Variants in USP48 observed in about 807,000 individuals in gnomAD.
USP48 encodes ubiquitin specific peptidase 48, also known as ubiquitin carboxyl-terminal hydrolase 48.
A neutral mutation model predicts 150.7 loss-of-function variants in USP48; 43 were observed. That is an observed-to-expected ratio of 0.29 (90% confidence interval 0.22 to 0.37). USP48 has a LOEUF of 0.37. USP48 is among the 10% of genes least tolerant of loss of function. The pLI, the probability that USP48 is intolerant of heterozygous loss-of-function variation, is 1.00. For synonymous variants in USP48, 396 were observed against 425.9 expected (o/e 0.93, Z 0.86); for missense variants, 813 against 1,249.6 (o/e 0.65, Z 5.27).
At chr1:21,760,987 G>C (rs2097848593) in intron 1 of USP48, among the ~76,000 whole-genome samples, 1 of 151,688 alleles carries the variant, frequency 6.6e-6, no homozygotes, top group Non-Finnish European at 1.5e-5. Context: ...CCAGCTAGTT[G>C]GGAGGCTGAG....
intron 22 of USP48, among the ~76,000 whole-genome samples, chr1:21,700,846 G>C (rs978666134): frequency 1.3e-5 from 2 of 152,272 alleles, no homozygotes; most frequent in East Asian, 3.9e-4. Flanking sequence ...GGCCAAGGCG[G>C]GAGGATCATG....
rs1428540978 is a variant in USP48, at chr1:21,782,832, G to A, written c.126C>T (p.Gly42=). The A allele has an allele frequency of 2.6e-6, 4 of 1,554,006 alleles. No individual in the cohort carries two copies. The highest frequency in any genetic ancestry group is 1.9e-5 in the Admixed American group (1 of 51,832). ...CGGTGCGCGGGCCTCACCTGCACAC[G>A]CCGCGAATGCAGGGCTCCAGCCAGA... The part of the protein sequence containing the change: ...YRIWLEPCIR[G]VCRRNCKGNP... The change falls in exon 1 of 27, where the codon GGC becomes GGT. Residue 42 remains glycine (G), a synonymous_variant. Transcript: ENST00000308271.
chr1:21,744,053 G>C (rs1417053485), intron 8 of USP48, among the ~76,000 whole-genome samples: 2 of 152,154 alleles, frequency 1.3e-5, no homozygotes, highest in African/African-American at 4.8e-5. Flanking sequence ...ATCAGCAGTA[G>C]CTGTCTTTAT....
At chr1:21,727,434 T>C (rs1401228406) in intron 11 of USP48, among the ~76,000 whole-genome samples, 2 of 152,232 alleles carry the variant, frequency 1.3e-5, no homozygotes, top group East Asian at 1.9e-4. Context: ...CAGTGCTAAC[T>C]TGACACATAA....
chr1:21,741,190 A>G (rs1416383404), intron 8 of USP48, among the ~76,000 whole-genome samples: 2 of 152,238 alleles, frequency 1.3e-5, no homozygotes, highest in Admixed American at 1.3e-4. Flanking sequence ...CTACTAGAAA[A>G]CCAGAAAAGA....
chr1:21,755,474 A>C (rs968780293), intron 3 of USP48, among the ~76,000 whole-genome samples: 17 of 152,114 alleles, frequency 1.1e-4, no homozygotes, highest in Admixed American at 1.1e-3. Context: ...TGGCAGGAGG[A>C]TTGCTTGAGC....
chr1:21,775,534 C>G (rs968501986), intron 1 of USP48, among the ~76,000 whole-genome samples: 1 of 152,168 alleles, frequency 6.6e-6, no homozygotes, highest in Non-Finnish European at 1.5e-5. Flanking sequence ...GGACTACAGG[C>G]GTAAGCCACC....
Position 21,756,572 on chromosome 1 carries a change from A to G in USP48, c.386T>C (p.Leu129Pro). The G allele has an allele frequency of 1.3e-6, 2 of 1,588,416 alleles. No individual in the cohort carries two copies. The highest frequency in any genetic ancestry group is 1.9e-5 in the Admixed American group (1 of 53,662). The stretch of plus-strand genomic sequence containing the variant: ...TTTTTCTTCTTGGATGCCGTCTCCC[A>G]GCATGTAGTCACTACAAGTGCTTGG... ...LCPSTCSDYMLGDGIQEEKDY... is the reference protein window; with the variant it reads ...LCPSTCSDYMPGDGIQEEKDY... The change falls in exon 3 of 27, where the codon CTG becomes CCG. Residue 129 changes from leucine to proline, a missense_variant. Leu to Pro is a moderately conservative substitution (Grantham distance 98). Coordinates refer to ENST00000308271, the MANE Select transcript of USP48 (RefSeq NM_032236.8).
intron 7 of USP48, among the ~76,000 whole-genome samples, 160 bp downstream of exon 7, chr1:21,747,978 T>C (rs1246382600): frequency 6.6e-6 from 1 of 152,246 alleles, no homozygotes; most frequent in Non-Finnish European, 1.5e-5. Flanking sequence ...TATGATAAAA[T>C]CATGAAATAT....
At chr1:21,769,496 T>TC (rs1435190404) in intron 1 of USP48, among the ~76,000 whole-genome samples, 1 of 151,788 alleles carries the variant, frequency 6.6e-6, no homozygotes, top group East Asian at 1.9e-4. Flanking sequence ...CACTGCAACC[T>TC]CCGCCTCCTG....
At chr1:21,690,515 T>A (rs1227125485) in intron 23 of USP48, among the ~76,000 whole-genome samples, 1 of 150,992 alleles carries the variant, frequency 6.6e-6, no homozygotes, top group Non-Finnish European at 1.5e-5. Flanking sequence ...CTTTCTTTTT[T>A]CTTTTTCTTT....
chr1:21,706,211 A>G (rs1173516889), intron 17 of USP48, 24 bp from the exon 18 acceptor site: 4 of 1,610,426 alleles, frequency 2.5e-6, no homozygotes, highest in Non-Finnish European at 3.4e-6. Context: ...ATCACAAAAC[A>G]GTATCCGTCA....
At chr1:21,773,796 T>C (rs1157457030) in intron 1 of USP48, among the ~76,000 whole-genome samples, 2 of 151,916 alleles carry the variant, frequency 1.3e-5, no homozygotes, top group African/African-American at 2.4e-5. Flanking sequence ...GGTTGTATTA[T>C]CAAAAACCGG....
intron 8 of USP48, among the ~76,000 whole-genome samples, chr1:21,739,830 G>C (rs1253108449): frequency 6.6e-6 from 1 of 152,116 alleles, no homozygotes; most frequent in Non-Finnish European, 1.5e-5. Context: ...CACTCCCTGG[G>C]TTCTGGTAAC....
intron 25 of USP48, among the ~76,000 whole-genome samples, chr1:21,682,223 T>C (rs764187315): frequency 2.0e-5 from 3 of 152,200 alleles, no homozygotes; most frequent in Non-Finnish European, 4.4e-5. Flanking sequence ...TGGAACTTGC[T>C]TTCCCTCAGG....
rs80230207 is a variant in USP48 at position 21,735,046 on chromosome 1, G to A, written c.1171+1400C>T. On this transcript the variant is annotated intron_variant, in intron 9 of 26. Coordinates refer to ENST00000308271, the MANE Select transcript of USP48 (RefSeq NM_032236.8). ...GATTTGGGTAAGATACTTAAAGGAA[G>A]GAGAAACAAAGTTTACCTGCTAGAA... Among the ~76,000 whole-genome samples the A allele has an allele frequency of 4.6e-3, 701 of 152,240 alleles. 5 individuals carry two copies. The highest frequency in any genetic ancestry group is 0.016 in the African/African-American group (668 of 41,532).
intron 23 of USP48, among the ~76,000 whole-genome samples, chr1:21,694,311 G>A (rs1002757328): frequency 3.3e-5 from 5 of 151,896 alleles, no homozygotes; most frequent in South Asian, 2.1e-4. Context: ...GGTGGCTCAC[G>A]CCTGTAATCT....
At chr1:21,714,317 C>T (rs1250256524) in intron 15 of USP48, among the ~76,000 whole-genome samples, 1 of 152,198 alleles carries the variant, frequency 6.6e-6, no homozygotes, top group Non-Finnish European at 1.5e-5. Flanking sequence ...GCACGGTCGT[C>T]CAGGCTGGAG....
At chr1:21,696,907 G>GA (rs869184428) in intron 22 of USP48, among the ~76,000 whole-genome samples, 2 of 222 alleles carry the variant, frequency 9.0e-3, no homozygotes, top group Non-Finnish European at 0.33. Context: ...GGTGGGGGAT[G>GA]GGGGGTGAGT....
Sources: gnomAD v4.1 joint callset for allele counts (sites outside exome capture counted in the v4.1 genomes callset) on GRCh38, gnomAD v4.1.1 for gene constraint, MANE v1.5 for transcripts, NCBI Gene and HGNC (gene_info 2026-07-23, HGNC 2026-07-21) for gene names.